CAMK4: variants seen among roughly 807,000 people sequenced by gnomAD.
CAMK4 encodes calcium/calmodulin-dependent protein kinase type IV.
A neutral mutation model predicts 44.9 loss-of-function variants in CAMK4; 22 were observed. The observed-to-expected ratio is 0.49, with a 90% CI of 0.35 to 0.70. The LOEUF is 0.70. Among genes scored for constraint, CAMK4 ranks in the 30% least tolerant of loss-of-function variants. The pLI, the probability that CAMK4 is intolerant of heterozygous loss-of-function variation, is 0.01. For synonymous variants in CAMK4, 218 were observed against 215.4 expected (o/e 1.01, Z -0.11); for missense variants, 498 against 586.8 (o/e 0.85, Z 1.56).
chr5:111,426,952 G>T (rs530021074), intron 5 of CAMK4, among the ~76,000 whole-genome samples: 6 of 152,198 alleles, frequency 3.9e-5, no homozygotes, highest in Non-Finnish European at 5.9e-5. Context: ...TCTTACAAGA[G>T]TCCCAGTGCT....
chr5:111,344,512 A>G (rs939624173), intron 2 of CAMK4, among the ~76,000 whole-genome samples: 2 of 151,896 alleles, frequency 1.3e-5, no homozygotes, highest in Admixed American at 1.3e-4. Context: ...CTTGCTATTG[A>G]AAAGAATTTG....
intron 5 of CAMK4, among the ~76,000 whole-genome samples, chr5:111,424,560 T>C (rs558682624): frequency 5.5e-5 from 8 of 145,900 alleles, no homozygotes; most frequent in Admixed American, 2.1e-4. Context: ...TTCTCCTGCC[T>C]CAGCCTCGCG....
At chr5:111,331,100 G>T (rs181432991) in intron 1 of CAMK4, among the ~76,000 whole-genome samples, 230 of 151,674 alleles carry the variant, frequency 1.5e-3, no homozygotes, top group African/African-American at 5.0e-3. Context: ...CACTGTAAAA[G>T]AACTGATAAA....
rs530448739 is a variant in CAMK4 at position 111,286,127 on chromosome 5, C to A, written c.162-57897C>A. ...GAGGTATGTAAAATTCAGTGAAACC[C>A]ATATTCCAATAGTGAGAGCAACATT... On this transcript the variant is annotated intron_variant, in intron 1 of 10. Transcript: ENST00000282356. Among the ~76,000 whole-genome samples the A allele has an allele frequency of 2.0e-5, 3 of 152,268 alleles. No individual in the cohort carries two copies. The South Asian group carries it at 6.2e-4, about 32-fold the overall frequency.
rs1227643950 is a variant in CAMK4, at chr5:111,303,613, G to A, written c.162-40411G>A. ...GACTATGTGAAAAGACCAAATCTAC[G>A]TCTGATTGGTGTACCTGAAAGTGAT... On this transcript the variant is annotated intron_variant, in intron 1 of 10. Coordinates refer to ENST00000282356, the MANE Select transcript of CAMK4 (RefSeq NM_001744.6). Among the ~76,000 whole-genome samples, 438 of 131,014 alleles carry A rather than the reference G, an allele frequency of 3.3e-3. 1 individual carries two copies. Among genetic ancestry groups the A allele is most frequent in the Non-Finnish European group, 5.2e-3 (333 of 64,636 alleles). 86.0% of individuals were successfully genotyped at this position (131,014 alleles called of 152,430 possible).
At chr5:111,349,021 A>C (rs1580631452) in intron 2 of CAMK4, among the ~76,000 whole-genome samples, 3 of 152,186 alleles carry the variant, frequency 2.0e-5, no homozygotes, top group Admixed American at 2.0e-4. Flanking sequence ...TCATTGTGCC[A>C]TTAATGAGGA....
rs192224188 is a variant in CAMK4, at chr5:111,293,923, A to G, written c.162-50101A>G. Among the ~76,000 whole-genome samples the G allele has an allele frequency of 2.7e-3, 402 of 150,724 alleles. 7 individuals are homozygous for G. Among genetic ancestry groups the G allele is most frequent in the Admixed American group, 0.024 (364 of 15,174 alleles). On this transcript the variant is annotated intron_variant, in intron 1 of 10. Transcript: ENST00000282356. ...CACCATGCCCGGCTAATTTTTTTGT[A>G]TTTTTAGTAGAGACAGGGTTTCACT...
intron 9 of CAMK4, among the ~76,000 whole-genome samples, chr5:111,481,360 C>G (rs1004319794): frequency 6.6e-6 from 1 of 152,148 alleles, no homozygotes; most frequent in Non-Finnish European, 1.5e-5. Context: ...TTTTTATTTA[C>G]TACCATGCCT....
intron 5 of CAMK4, among the ~76,000 whole-genome samples, chr5:111,429,101 A>G (rs2112934550): frequency 6.6e-6 from 1 of 152,334 alleles, no homozygotes; most frequent in Admixed American, 6.5e-5. Context: ...GCAAGAGCAA[A>G]CCAAACCTAA....
upstream of CAMK4, chr5:111,224,048 G>C (rs770348164): frequency 2.2e-4 from 35 of 161,466 alleles, no homozygotes; most frequent in Non-Finnish European, 4.1e-4. The surrounding 1 kb of genome is among the most constrained non-coding windows in gnomAD (Gnocchi z 5.7). Context: ...CCCGCGGGAG[G>C]GCGCGTGGGA....
rs926146857 is a variant in CAMK4, at chr5:111,286,954, G to A, written c.162-57070G>A. On this transcript the variant is annotated intron_variant, in intron 1 of 10. Transcript: ENST00000282356. Reference sequence around the variant, plus strand: ...TTATTGTTTTTGTAGGTTTGCTTCTGTCTCTTTCTTCCCTCAGCAAAAGCA... The same window carrying A: ...TTATTGTTTTTGTAGGTTTGCTTCTATCTCTTTCTTCCCTCAGCAAAAGCA... 3.3e-5 allele frequency among the ~76,000 whole-genome samples: 5 copies of A among 152,212 alleles called. No individual in the cohort carries two copies. In the East Asian group the frequency reaches 7.7e-4, roughly 23 times the overall value.
In CAMK4 at chr5:111,334,423, C is replaced by T. The variant is rs539209863; in HGVS notation, c.162-9601C>T. 2.0e-5 allele frequency among the ~76,000 whole-genome samples: 3 copies of T among 151,484 alleles called. No homozygotes were observed. The East Asian group carries it at 5.9e-4, about 30-fold the overall frequency. On this transcript the variant is annotated intron_variant, in intron 1 of 10. Transcript: ENST00000282356. Reference sequence around the variant, plus strand: ...AGGCTAACAGAGATAGAGACTGAAACAATGAAAAGCTGTCCCAAGAATGGG... The same window carrying T: ...AGGCTAACAGAGATAGAGACTGAAATAATGAAAAGCTGTCCCAAGAATGGG...
At chr5:111,343,332 TTC>T (rs1383781180) in intron 1 of CAMK4, among the ~76,000 whole-genome samples, 1 of 151,786 alleles carries the variant, frequency 6.6e-6, no homozygotes, top group Non-Finnish European at 1.5e-5. Flanking sequence ...TTTCTAGAAG[TTC>T]TCTTTCTGAA....
chr5:111,369,094 C>T lies in CAMK4; in HGVS notation c.241-5756C>T, dbSNP rs1750906986. Among the ~76,000 whole-genome samples, 6 of 150,996 alleles carry T rather than the reference C, an allele frequency of 4.0e-5. No homozygotes were observed. The South Asian group carries it at 1.2e-3, about 31-fold the overall frequency. ...ATTATTATTATTATTGAGACAGGGTCTCATTCTGTTGCCCAGGCTGGAGTG... is the reference window on the plus strand; with the variant it reads ...ATTATTATTATTATTGAGACAGGGTTTCATTCTGTTGCCCAGGCTGGAGTG... On this transcript the variant is annotated intron_variant, in intron 2 of 10. Coordinates refer to ENST00000282356, the MANE Select transcript of CAMK4 (RefSeq NM_001744.6).
At chr5:111,395,211 C>CAAAAA (rs1175802762) in intron 5 of CAMK4, among the ~76,000 whole-genome samples, 1 of 90,644 alleles carries the variant, frequency 1.1e-5, no homozygotes, top group Non-Finnish European at 2.2e-5. Context: ...GACCCTGTCT[C>CAAAAA]AAAAAAAAAA....
intron 1 of CAMK4, among the ~76,000 whole-genome samples, chr5:111,314,420 A>G (rs1162851030): frequency 6.6e-6 from 1 of 152,140 alleles, no homozygotes; most frequent in East Asian, 1.9e-4. Context: ...ACAGAGCTTT[A>G]TAACAGTGCA....
chr5:111,248,953 T>C (rs1033951468), intron 1 of CAMK4, among the ~76,000 whole-genome samples: 3 of 143,232 alleles, frequency 2.1e-5, no homozygotes, highest in African/African-American at 7.7e-5. Context: ...CTACTTCCTA[T>C]TGCGGGGGCG....
At chr5:111,402,546 T>G (rs554317854) in intron 5 of CAMK4, among the ~76,000 whole-genome samples, 97 of 152,350 alleles carry the variant, frequency 6.4e-4, no homozygotes, top group African/African-American at 2.2e-3. Context: ...TCTGACACAT[T>G]AAAACAATCT....
intron 7 of CAMK4, among the ~76,000 whole-genome samples, chr5:111,467,226 T>C (rs1332793440): frequency 1.3e-5 from 2 of 151,846 alleles, no homozygotes; most frequent in African/African-American, 4.8e-5. Context: ...CCTAACACCA[T>C]AAAAATTATA....
Sources: gnomAD v4.1 joint callset for allele counts (sites outside exome capture counted in the v4.1 genomes callset) on GRCh38, gnomAD v4.1.1 for gene constraint, Gnocchi (gnomAD v3.1) non-coding constraint, MANE v1.5 for transcripts, NCBI Gene and HGNC (gene_info 2026-07-23, HGNC 2026-07-21) for gene names.